Variants in WDR49 observed in about 807,000 individuals in gnomAD.
The protein encoded by WDR49 is WD repeat domain 49.
Under a neutral mutation model 119.5 loss-of-function variants are expected in WDR49, and 107 were observed. That is an observed-to-expected ratio of 0.90 (90% CI 0.77 to 1.05). WDR49 has a LOEUF of 1.05. WDR49 is among the 50% of genes least tolerant of loss of function. The pLI is 0.00. For synonymous variants in WDR49, 425 were observed against 418.8 expected (o/e 1.01, Z -0.18); for missense variants, 1,240 against 1,220.5 (o/e 1.02, Z -0.24).
intron 7 of WDR49, among the ~76,000 whole-genome samples, chr3:167,597,938 A>G (rs1475797437): frequency 6.6e-6 from 1 of 152,108 alleles, no homozygotes; most frequent in Non-Finnish European, 1.5e-5. Flanking sequence ...CTTTGGAATT[A>G]GGCTTTTTGG....
chr3:167,533,973 A>G (rs1162036672), intron 11 of WDR49, among the ~76,000 whole-genome samples: 1 of 151,964 alleles, frequency 6.6e-6, no homozygotes, highest in Non-Finnish European at 1.5e-5. Flanking sequence ...GCAGATCAGG[A>G]GGTCAGGAGT....
At chr3:167,578,995 AG>A (rs1185664972) in intron 7 of WDR49, among the ~76,000 whole-genome samples, 1 of 152,138 alleles carries the variant, frequency 6.6e-6, no homozygotes, top group Non-Finnish European at 1.5e-5. Context: ...TTCTTGTGAT[AG>A]TATGTGAGTT....
chr3:167,592,840 T>G (rs908619232), intron 7 of WDR49, among the ~76,000 whole-genome samples: 10 of 152,210 alleles, frequency 6.6e-5, no homozygotes, highest in African/African-American at 2.2e-4. Context: ...CAGCTTTTGT[T>G]TGTCTGGTAA....
intron 18 of WDR49, among the ~76,000 whole-genome samples, chr3:167,488,802 T>C (rs1348422203): frequency 1.3e-5 from 2 of 152,096 alleles, no homozygotes; most frequent in African/African-American, 4.8e-5. Context: ...CCACATGACA[T>C]GACCCCTGAG....
intron 2 of WDR49, among the ~76,000 whole-genome samples, chr3:167,632,774 C>A (rs764372627): frequency 9.9e-5 from 15 of 152,000 alleles, no homozygotes; most frequent in Non-Finnish European, 1.3e-4. Context: ...AGAATTAATT[C>A]ATTCATCTCA....
chr3:167,603,075 G>A (rs1715860924), intron 6 of WDR49, among the ~76,000 whole-genome samples: 1 of 152,030 alleles, frequency 6.6e-6, no homozygotes, highest in Admixed American at 6.6e-5. Context: ...GTATGTGCAA[G>A]CAAAAAAGCA....
At chr3:167,507,133 A>C (rs1407536875) in intron 16 of WDR49, among the ~76,000 whole-genome samples, 2 of 152,142 alleles carry the variant, frequency 1.3e-5, no homozygotes, top group African/African-American at 2.4e-5. Context: ...TTTGGAAGCA[A>C]GTTTTCAAGC....
intron 10 of WDR49, among the ~76,000 whole-genome samples, chr3:167,552,689 TTTGAG>T (rs144640283): frequency 0.03 from 4,579 of 152,062 alleles, 209 homozygotes; most frequent in African/African-American, 0.1. Context: ...AAGACAGATA[TTTGAG>T]TTATCTATAA....
At chr3:167,499,674 T>G (rs1485997251) in intron 18 of WDR49, among the ~76,000 whole-genome samples, 2 of 152,206 alleles carry the variant, frequency 1.3e-5, no homozygotes, top group Non-Finnish European at 2.9e-5. Context: ...GTTTCTAACT[T>G]AAGCTTTCTT....
intron 14 of WDR49, 89 bp from the exon 15 acceptor site, chr3:167,528,106 AAACTTGGG>A: frequency 8.9e-7 from 1 of 1,123,386 alleles, no homozygotes; most frequent in Non-Finnish European, 1.3e-6. Flanking sequence ...GCCGATTTTC[AAACTTGGG>A]AACAATAACC....
Position 167,480,739 on chromosome 3 carries a change from A to G in WDR49, c.3032-1743T>C, listed in dbSNP as rs115028249. Reference sequence around the variant, plus strand: ...GACAAAAGTTGCCCAAGAAAAAGTGAAAAGTATAGAGAGTATACGAAGGCC... The same window carrying G: ...GACAAAAGTTGCCCAAGAAAAAGTGGAAAGTATAGAGAGTATACGAAGGCC... On this transcript the variant is annotated intron_variant, in intron 18 of 18. Transcript: ENST00000682715. 5.2e-3 allele frequency among the ~76,000 whole-genome samples: 792 copies of G among 152,366 alleles called. 11 individuals carry two copies. The highest frequency in any genetic ancestry group is 0.018 in the African/African-American group (743 of 41,588).
At chr3:167,543,819 G>T (rs944672451) in intron 10 of WDR49, among the ~76,000 whole-genome samples, 5 of 151,926 alleles carry the variant, frequency 3.3e-5, no homozygotes, top group Admixed American at 3.3e-4. Flanking sequence ...GAAATAAAAG[G>T]CATCCAAATC....
At chr3:167,579,583 G>A (rs1475429403) in intron 7 of WDR49, among the ~76,000 whole-genome samples, 1 of 151,976 alleles carries the variant, frequency 6.6e-6, no homozygotes, top group Admixed American at 6.6e-5. Flanking sequence ...CCCTAAGAAT[G>A]TATATTCATA....
chr3:167,648,207 GT>G (rs1373588353), intron 2 of WDR49, among the ~76,000 whole-genome samples: 1 of 152,122 alleles, frequency 6.6e-6, no homozygotes, highest in Non-Finnish European at 1.5e-5. Flanking sequence ...TTTCAGGCTG[GT>G]AAAGGATCAA....
intron 16 of WDR49, among the ~76,000 whole-genome samples, chr3:167,520,204 A>C (rs2108229913): frequency 6.6e-6 from 1 of 151,902 alleles, no homozygotes; most frequent in Middle Eastern, 3.4e-3. Context: ...CTGTGGTCGC[A>C]CCACTGCATT....
chr3:167,599,694 G>A (rs1333584897), intron 7 of WDR49, among the ~76,000 whole-genome samples: 4 of 152,164 alleles, frequency 2.6e-5, no homozygotes, highest in African/African-American at 9.7e-5. Flanking sequence ...CTCACCTGAA[G>A]TCAACACATC....
chr3:167,560,241 A>T lies in WDR49; in HGVS notation c.1510-13T>A. The T allele has an allele frequency of 6.2e-7, 1 of 1,606,782 alleles. No homozygotes were observed. The highest frequency in any genetic ancestry group is 8.5e-7 in the Non-Finnish European group (1 of 1,176,662). On this transcript the variant is annotated splice_polypyrimidine_tract_variant and intron_variant, in intron 8 of 18. Transcript: ENST00000682715. Reference sequence around the variant, plus strand: ...CAGAGCTGATTACCTAAGAGAAAATAACATTTTAAAGAAATTAAATATAGT... The same window carrying T: ...CAGAGCTGATTACCTAAGAGAAAATTACATTTTAAAGAAATTAAATATAGT...
At chr3:167,488,188 ACAC>A (rs1444988539) in intron 18 of WDR49, among the ~76,000 whole-genome samples, 1 of 138,904 alleles carries the variant, frequency 7.2e-6, no homozygotes, top group Non-Finnish European at 1.5e-5. Context: ...ACACACACAC[ACAC>A]ACCATGGAAT....
intron 5 of WDR49, among the ~76,000 whole-genome samples, chr3:167,617,416 A>C (rs995929229): frequency 2.0e-5 from 3 of 152,214 alleles, no homozygotes; most frequent in Admixed American, 1.3e-4. Context: ...AATCCCAGCT[A>C]TTCGGGAGGC....
Sources: gnomAD v4.1 joint callset for allele counts (sites outside exome capture counted in the v4.1 genomes callset) on GRCh38, gnomAD v4.1.1 for gene constraint, MANE v1.5 for transcripts, NCBI Gene and HGNC (gene_info 2026-07-23, HGNC 2026-07-21) for gene names.